The following NUAK1 variants were observed in gnomAD, a reference collection of about 807,000 sequenced individuals.
NUAK1 encodes NUAK family kinase 1, also known as NUAK family SNF1-like kinase 1.
NUAK1 carries 26 observed loss-of-function variants against 56.9 expected under a neutral mutation model. The ratio of observed to expected loss-of-function variants is 0.46; its 90% confidence interval spans 0.33 to 0.63. The LOEUF (loss-of-function observed/expected upper bound fraction) is 0.63. NUAK1 is among the 30% of genes least tolerant of loss of function. NUAK1 has a pLI of 0.02. For missense variants in NUAK1, 727 were observed against 876.1 expected (o/e 0.83, Z 2.15); for synonymous variants, 337 against 336.0 (o/e 1.00, Z -0.03).
intron 1 of NUAK1, among the ~76,000 whole-genome samples, chr12:106,130,568 T>C (rs1488084684): frequency 6.6e-6 from 1 of 152,142 alleles, no homozygotes; most frequent in African/African-American, 2.4e-5. Context: ...AAGTGGTAGC[T>C]AAGAGGAAGA....
intron 1 of NUAK1, among the ~76,000 whole-genome samples, chr12:106,118,518 G>C (rs2032942222): frequency 1.3e-5 from 2 of 152,228 alleles, no homozygotes; most frequent in Non-Finnish European, 2.9e-5. Context: ...GGAAGGTCTG[G>C]TCGGGGAGCT....
intron 2 of NUAK1, among the ~76,000 whole-genome samples, chr12:106,098,389 T>A (rs1050151120): frequency 3.3e-5 from 5 of 152,160 alleles, no homozygotes; most frequent in African/African-American, 4.8e-5. Context: ...CAAATGCTTA[T>A]CAAAGGACGT....
At chr12:106,119,981 G>GAA (rs11451604) in intron 1 of NUAK1, among the ~76,000 whole-genome samples, 1 of 151,870 alleles carries the variant, frequency 6.6e-6, no homozygotes, top group Non-Finnish European at 1.5e-5. Flanking sequence ...CAATTATCTG[G>GAA]AAAAAAATAT....
chr12:106,089,309 C>T (rs543491476), intron 2 of NUAK1, among the ~76,000 whole-genome samples: 45 of 152,350 alleles, frequency 3.0e-4, no homozygotes, highest in Middle Eastern at 6.8e-3. Flanking sequence ...CAGCGACTGT[C>T]GGGAGGTGTG....
intron 4 of NUAK1, among the ~76,000 whole-genome samples, chr12:106,073,057 T>C (rs1276741414): frequency 6.6e-6 from 1 of 152,206 alleles, no homozygotes; most frequent in African/African-American, 2.4e-5. Flanking sequence ...TTGGCATCCA[T>C]CACAAGTTCT....
Position 106,086,841 on chromosome 12 carries a change from T to A in NUAK1, c.406A>T (p.Ser136Cys), listed in dbSNP as rs2032576245. Residue 136 changes from serine to cysteine, a missense_variant, in exon 3 of 7, where the codon AGC becomes TGC. Ser to Cys is a moderately radical substitution (Grantham distance 112). Transcript: ENST00000261402. ...DKIVIIMEYA[S>C]KGELYDYISE... Reference sequence around the variant, plus strand: ...ATGTAATCGTACAGCTCCCCTTTGCTGGCATATTCCATGATGATCACAATC... The same window carrying A: ...ATGTAATCGTACAGCTCCCCTTTGCAGGCATATTCCATGATGATCACAATC... The A allele has an allele frequency of 6.2e-7, 1 of 1,614,170 alleles. No homozygotes were observed. Among genetic ancestry groups the A allele is most frequent in the Non-Finnish European group, 8.5e-7 (1 of 1,179,996 alleles).
intron 1 of NUAK1, among the ~76,000 whole-genome samples, chr12:106,116,749 C>T (rs1245580768): frequency 3.9e-5 from 6 of 152,184 alleles, no homozygotes; most frequent in Non-Finnish European, 7.3e-5. Context: ...AAGGCCCCAT[C>T]GAGGCCGCAC....
chr12:106,106,505 A>G lies in NUAK1; in HGVS notation c.261T>C (p.Arg87=). The G allele has an allele frequency of 1.2e-6, 2 of 1,613,120 alleles. No individual in the cohort carries two copies. The highest frequency in any genetic ancestry group is 1.7e-6 in the Non-Finnish European group (2 of 1,179,694). ...SGRVVAIKSI[R]KDKIKDEQDM... is the part of the protein sequence containing the mutation. ...CTTGTTCATCCTTAATTTTGTCCTTACGAATGGATTTTATAGCAACCTATA... is the reference window on the plus strand; with the variant it reads ...CTTGTTCATCCTTAATTTTGTCCTTGCGAATGGATTTTATAGCAACCTATA... Residue 87 remains arginine (R), a synonymous_variant, in exon 2 of 7, where the codon CGT becomes CGC. Coordinates refer to ENST00000261402, the MANE Select transcript of NUAK1 (RefSeq NM_014840.3).
chr12:106,069,822 G>A (rs1334925245), intron 6 of NUAK1, among the ~76,000 whole-genome samples: 1 of 152,154 alleles, frequency 6.6e-6, no homozygotes, highest in East Asian at 1.9e-4. Flanking sequence ...TGTATAGTAT[G>A]TATATAAATG....
intron 1 of NUAK1, among the ~76,000 whole-genome samples, chr12:106,128,225 G>A (rs1321950407): frequency 3.3e-5 from 5 of 149,958 alleles, no homozygotes; most frequent in Non-Finnish European, 5.9e-5. Flanking sequence ...TCCGCCTCCC[G>A]GGTTCAAGCG....
intron 1 of NUAK1, among the ~76,000 whole-genome samples, chr12:106,108,855 G>T (rs943834121): frequency 1.3e-5 from 2 of 152,176 alleles, no homozygotes; most frequent in Non-Finnish European, 2.9e-5. Flanking sequence ...CCAGCGAGGC[G>T]GAGGGTCCCA....
At chr12:106,085,122 TCCATTAATTTTAAACATCAGG>T (rs1442383964) in intron 3 of NUAK1, among the ~76,000 whole-genome samples, 1 of 152,216 alleles carries the variant, frequency 6.6e-6, no homozygotes, top group Non-Finnish European at 1.5e-5. Flanking sequence ...GACACCTGAT[TCCATTAATTTTAAACATCAGG>T]AGCAGTTTGG....
rs142856878 is a variant in NUAK1, at chr12:106,075,318, C to CACACACAGAG, written c.580-2476_580-2475insCTCTGTGTGT. On this transcript the variant is annotated intron_variant, in intron 4 of 6. Coordinates refer to ENST00000261402, the MANE Select transcript of NUAK1 (RefSeq NM_014840.3). ...ACACACACACACACACACACACACACAGAGAGAGAGAGAGAGCGTTCTCAG... is the reference window on the plus strand; with the variant it reads ...ACACACACACACACACACACACACACACACACAGAGAGAGAGAGAGAGAGAGCGTTCTCAG... 2.7e-3 allele frequency among the ~76,000 whole-genome samples: 403 copies of CACACACAGAG among 146,826 alleles called. 5 individuals carry two copies. Among genetic ancestry groups the CACACACAGAG allele is most frequent in the Non-Finnish European group, 4.5e-3 (300 of 67,036 alleles).
rs184045893 is a variant in NUAK1 at position 106,066,279 on chromosome 12, C to G, written c.*523G>C. 1.2e-5 allele frequency: 2 copies of G among 161,252 alleles called. No homozygotes were observed. The highest frequency in any genetic ancestry group is 3.5e-4 in the East Asian group (2 of 5,702). 10.0% of individuals were successfully genotyped at this position (161,252 alleles called of 1,614,324 possible). Reference sequence around the variant, plus strand: ...CCTTCCCCATGATGTGGGCCACTTACGCCAGCACAACTGGCAGCCACTATT... The same window carrying G: ...CCTTCCCCATGATGTGGGCCACTTAGGCCAGCACAACTGGCAGCCACTATT... On this transcript the variant is annotated 3_prime_UTR_variant, in exon 7 of 7. Transcript: ENST00000261402.
At chr12:106,122,576 C>G (rs1032717855) in intron 1 of NUAK1, among the ~76,000 whole-genome samples, 3 of 152,170 alleles carry the variant, frequency 2.0e-5, no homozygotes, top group Admixed American at 2.0e-4. Context: ...CCTCAAGTTT[C>G]AGGCCCAAAT....
intron 1 of NUAK1, among the ~76,000 whole-genome samples, chr12:106,115,509 C>A (rs79846158): frequency 2.6e-5 from 4 of 152,186 alleles, no homozygotes; most frequent in African/African-American, 9.7e-5. Flanking sequence ...CAGGAGCCCC[C>A]GAGGCCTCTC....
intron 2 of NUAK1, among the ~76,000 whole-genome samples, chr12:106,092,189 T>G (rs1353368075): frequency 6.6e-6 from 1 of 152,096 alleles, no homozygotes; most frequent in Non-Finnish European, 1.5e-5. Context: ...ATGAGGAATA[T>G]GAACCAAAAT....
intron 4 of NUAK1, among the ~76,000 whole-genome samples, chr12:106,080,007 C>T (rs1205357237): frequency 6.6e-6 from 1 of 152,150 alleles, no homozygotes; most frequent in Non-Finnish European, 1.5e-5. Flanking sequence ...TGAATAAATG[C>T]AGGAATGGAT....
At chr12:106,090,185 C>T (rs1010716588) in intron 2 of NUAK1, among the ~76,000 whole-genome samples, 2 of 152,144 alleles carry the variant, frequency 1.3e-5, no homozygotes, top group African/African-American at 4.8e-5. Flanking sequence ...TTCTCTCAGG[C>T]AGGGCCAGTG....
Sources: allele counts gnomAD v4.1 joint callset (sites outside exome capture counted in the v4.1 genomes callset), GRCh38; gene constraint gnomAD v4.1.1; transcripts MANE v1.5; gene names NCBI Gene and HGNC (gene_info 2026-07-23, HGNC 2026-07-21).